Variants in CFAP77 observed in about 807,000 individuals in gnomAD.
CFAP77 encodes the protein cilia and flagella associated protein 77.
CFAP77 carries 25 observed loss-of-function variants against 31.1 expected under a neutral mutation model. That is an observed-to-expected ratio of 0.80 (90% CI 0.59 to 1.12). The LOEUF (loss-of-function observed/expected upper bound fraction) is 1.12, where lower values mean the gene tolerates loss of function less well. Ranked by LOEUF, CFAP77 falls within the 50% of genes most tolerant of loss-of-function variation. CFAP77 has a pLI of 0.00. For synonymous variants in CFAP77, 151 were observed against 159.9 expected, an observed-to-expected ratio of 0.94 and a Z score of 0.42; for missense variants, 377 against 397.3, an observed-to-expected ratio of 0.95 and a Z score of 0.44.
chr9:132,542,688 C>T (rs1852665594), intron 4 of CFAP77, among the ~76,000 whole-genome samples: 2 of 152,222 alleles, frequency 1.3e-5, no homozygotes, highest in African/African-American at 4.8e-5. Context: ...TGGAATCCCA[C>T]ATGTTCCAGA....
chr9:132,532,424 G>T (rs1045012275), intron 3 of CFAP77, among the ~76,000 whole-genome samples: 4 of 152,232 alleles, frequency 2.6e-5, no homozygotes, highest in African/African-American at 9.6e-5. Context: ...GGCGGAAGGG[G>T]AACTTTTACT....
chr9:132,537,324 C>T (rs1294324270), intron 3 of CFAP77, among the ~76,000 whole-genome samples: 2 of 152,054 alleles, frequency 1.3e-5, no homozygotes, highest in Non-Finnish European at 2.9e-5. Flanking sequence ...AGGAAGGGCC[C>T]AGGGATGAGT....
intron 1 of CFAP77, among the ~76,000 whole-genome samples, chr9:132,439,127 C>T (rs1202697496): frequency 2.0e-5 from 3 of 152,088 alleles, no homozygotes; most frequent in Admixed American, 6.5e-5. Context: ...CTGCCCACCT[C>T]GGCCTCCCAA....
At position 132,430,447 on chromosome 9, in the gene CFAP77, C is replaced by T. The variant is rs576831632; in HGVS notation, c.195+19981C>T. On this transcript the variant is annotated intron_variant, in intron 1 of 5. Transcript: ENST00000393216. Reference sequence around the variant, plus strand: ...TTAAGATAGTTACATTTATCCCCTACAAAAAGAGTTTTAGAAACTACCTTA... The same window carrying T: ...TTAAGATAGTTACATTTATCCCCTATAAAAAGAGTTTTAGAAACTACCTTA... Among the ~76,000 whole-genome samples the T allele has an allele frequency of 1.5e-3, 227 of 152,224 alleles. 1 individual carries two copies. Among genetic ancestry groups the T allele is most frequent in the Middle Eastern group, 3.4e-3 (1 of 294 alleles).
chr9:132,446,743 CAAAAAA>C (rs1184310514), intron 1 of CFAP77, among the ~76,000 whole-genome samples: 6 of 66,062 alleles, frequency 9.1e-5, no homozygotes, highest in African/African-American at 3.3e-4. Flanking sequence ...TCCTCCGTCT[CAAAAAA>C]AAAAAAAAAA....
At chr9:132,486,024 A>ATGTGTGTGTGTG (rs1396799905) in intron 1 of CFAP77, among the ~76,000 whole-genome samples, 1 of 43,350 alleles carries the variant, frequency 2.3e-5, no homozygotes, top group African/African-American at 2.4e-4. Context: ...ATATATATAT[A>ATGTGTGTGTGTG]TATATATATA....
intron 3 of CFAP77, among the ~76,000 whole-genome samples, chr9:132,522,845 C>T (rs748723079): frequency 6.6e-6 from 1 of 152,220 alleles, no homozygotes; most frequent in Non-Finnish European, 1.5e-5. Context: ...GTAGGCGGAG[C>T]TGGGAATGTG....
At chr9:132,448,446 C>T (rs1850765697) in intron 1 of CFAP77, among the ~76,000 whole-genome samples, 1 of 152,180 alleles carries the variant, frequency 6.6e-6, no homozygotes, top group Admixed American at 6.5e-5. Flanking sequence ...TACTGAACTT[C>T]TCTGAGCCTC....
rs1184598020 is a variant in CFAP77 at position 132,498,503 on chromosome 9, G to A, written c.196-192G>A. ...ACAGACACACAGACCCGCTTCTGCT[G>A]TGTGACCCTGTGCCAGCCACAGCCT... On this transcript the variant is annotated intron_variant, in intron 1 of 5. Coordinates refer to ENST00000393216, the MANE Select transcript of CFAP77 (RefSeq NM_001282957.2). This position sits in a 1 kb window ranked among gnomAD's most constrained non-coding sequence, Gnocchi z 4.2. Among the ~76,000 whole-genome samples the A allele has an allele frequency of 6.6e-6, 1 of 152,104 alleles. No homozygotes were observed. Among genetic ancestry groups the A allele is most frequent in the Non-Finnish European group, 1.5e-5 (1 of 68,012 alleles).
rs562919907 is a variant in CFAP77 at position 132,431,713 on chromosome 9, C to G, written c.195+21247C>G. On this transcript the variant is annotated intron_variant, in intron 1 of 5. Coordinates refer to ENST00000393216, the MANE Select transcript of CFAP77 (RefSeq NM_001282957.2). ...AGACTGAAAAAAGTGGGCAGATCCT[C>G]AGGGACCTGTGAGATGGTATCAAAA... Among the ~76,000 whole-genome samples, 12 of 152,286 alleles carry G rather than the reference C, an allele frequency of 7.9e-5. No individual in the cohort carries two copies. In the South Asian group the frequency reaches 2.5e-3, roughly 32 times the overall value.
Position 132,498,413 on chromosome 9 carries a change from C to T in CFAP77, c.196-282C>T, listed in dbSNP as rs1851780296. Among the ~76,000 whole-genome samples, 1 of 152,160 alleles carries T rather than the reference C, an allele frequency of 6.6e-6. No homozygotes were observed. Among genetic ancestry groups the T allele is most frequent in the Non-Finnish European group, 1.5e-5 (1 of 68,018 alleles). Reference sequence around the variant, plus strand: ...GCGGCTCAGCTCGGGGACTGTGCTCCCCACTCCAACAATACACATGTACCG... The same window carrying T: ...GCGGCTCAGCTCGGGGACTGTGCTCTCCACTCCAACAATACACATGTACCG... On this transcript the variant is annotated intron_variant, in intron 1 of 5. Coordinates refer to ENST00000393216, the MANE Select transcript of CFAP77 (RefSeq NM_001282957.2). This position sits in a 1 kb window ranked among gnomAD's most constrained non-coding sequence, Gnocchi z 4.2.
At chr9:132,525,819 G>T (rs141675617) in intron 3 of CFAP77, among the ~76,000 whole-genome samples, 11 of 152,204 alleles carry the variant, frequency 7.2e-5, no homozygotes, top group African/African-American at 2.7e-4. Flanking sequence ...ATCACACAGC[G>T]TGTAACCTTT....
chr9:132,475,791 C>T lies in CFAP77; in HGVS notation c.196-22904C>T, dbSNP rs567930244. Among the ~76,000 whole-genome samples the T allele has an allele frequency of 5.3e-5, 8 of 152,320 alleles. No homozygotes were observed. In the East Asian group the frequency reaches 1.4e-3, roughly 26 times the overall value. ...AACCAGACTCCTGGGTACCCCCACCCTCTGCTTTCTCCTCTACCCCATCCT... is the reference window on the plus strand; with the variant it reads ...AACCAGACTCCTGGGTACCCCCACCTTCTGCTTTCTCCTCTACCCCATCCT... On this transcript the variant is annotated intron_variant, in intron 1 of 5. Coordinates refer to ENST00000393216, the MANE Select transcript of CFAP77 (RefSeq NM_001282957.2).
rs1020654949 is a variant in CFAP77 at position 132,558,734 on chromosome 9, C to T, written c.733-13654C>T. 2.1e-4 allele frequency among the ~76,000 whole-genome samples: 32 copies of T among 151,048 alleles called. 1 individual carries two copies. Among genetic ancestry groups the T allele is most frequent in the Admixed American group, 1.7e-3 (26 of 15,092 alleles). Reference sequence around the variant, plus strand: ...ATAAATAAATAAATAAAAATAAGGACGGGTGCGGTGGCTCACGTCTGTAAT... The same window carrying T: ...ATAAATAAATAAATAAAAATAAGGATGGGTGCGGTGGCTCACGTCTGTAAT... On this transcript the variant is annotated intron_variant, in intron 5 of 5. Coordinates refer to ENST00000393216, the MANE Select transcript of CFAP77 (RefSeq NM_001282957.2).
intron 5 of CFAP77, among the ~76,000 whole-genome samples, chr9:132,560,934 G>A (rs781632783): frequency 6.6e-6 from 1 of 152,218 alleles, no homozygotes; most frequent in Non-Finnish European, 1.5e-5. Context: ...TCAGCAGGGA[G>A]GGTCGGGTCC....
At chr9:132,430,809 A>T (rs1223306252) in intron 1 of CFAP77, among the ~76,000 whole-genome samples, 3 of 146,364 alleles carry the variant, frequency 2.0e-5, no homozygotes, top group African/African-American at 7.5e-5. Flanking sequence ...GATAAAACGT[A>T]AAAAAAAAAA....
At chr9:132,518,737 C>T (rs1293515316) in intron 3 of CFAP77, among the ~76,000 whole-genome samples, 1 of 152,200 alleles carries the variant, frequency 6.6e-6, no homozygotes, top group Non-Finnish European at 1.5e-5. Context: ...TTCCACCCAT[C>T]CCCAGAGATC....
intron 3 of CFAP77, among the ~76,000 whole-genome samples, chr9:132,533,221 T>C (rs1426125596): frequency 6.6e-6 from 1 of 152,222 alleles, no homozygotes; most frequent in East Asian, 1.9e-4. Context: ...GCCCTTCAGC[T>C]GCCGAAGACT....
At chr9:132,556,588 G>A (rs189139071) in intron 5 of CFAP77, among the ~76,000 whole-genome samples, 3 of 152,168 alleles carry the variant, frequency 2.0e-5, no homozygotes, top group East Asian at 1.9e-4. Flanking sequence ...CCCACCCCCC[G>A]AGCCCCATCA....
Sources: gnomAD v4.1 joint callset for allele counts (sites outside exome capture counted in the v4.1 genomes callset) on GRCh38, gnomAD v4.1.1 for gene constraint, Gnocchi (gnomAD v3.1) non-coding constraint, MANE v1.5 for transcripts, NCBI Gene and HGNC (gene_info 2026-07-23, HGNC 2026-07-21) for gene names.